The following KIF1C variants were observed in gnomAD, a reference collection of about 807,000 sequenced individuals.
KIF1C encodes kinesin-like protein KIF1C.
Under a neutral mutation model 126.5 loss-of-function variants are expected in KIF1C, and 61 were observed. The observed-to-expected ratio is 0.48, with a 90% CI of 0.39 to 0.60. The LOEUF is 0.60. KIF1C is among the 20% of genes least tolerant of loss of function. The pLI, the probability that KIF1C is intolerant of heterozygous loss-of-function variation, is 0.00. For missense variants in KIF1C, 1,315 were observed against 1,489.2 expected (o/e 0.88, Z 1.93); for synonymous variants, 640 against 580.6 (o/e 1.10, Z -1.47).
intron 3 of KIF1C, 75 bp from the exon 4 acceptor site, chr17:5,000,697 G>C: frequency 7.6e-7 from 1 of 1,316,654 alleles, no homozygotes; most frequent in Non-Finnish European, 1.1e-6. Flanking sequence ...GATTCCAGGG[G>C]CTGGTTGGGG....
rs1402352082 is a variant in KIF1C, at chr17:5,024,091, C to T, written c.3252C>T (p.Pro1084=). Residue 1084 remains proline (P), a synonymous_variant, in exon 23 of 23, where the codon CCC becomes CCT. Transcript: ENST00000320785. ...CCCGCTACCCCCCATACACTACTCC[C>T]CCACGAATGAGACGGCAGCGTTCTG... ...PGPRYPPYTT[P]PRMRRQRSAP... 6.2e-7 allele frequency: 1 copy of T among 1,610,184 alleles called. No individual in the cohort carries two copies. The highest frequency in any genetic ancestry group is 8.5e-7 in the Non-Finnish European group (1 of 1,178,136).
At position 5,023,636 on chromosome 17, in the gene KIF1C, G is replaced by T; in HGVS notation, c.2797G>T (p.Ala933Ser). ...RVSRLMEEDP[A>S]FRRGRLRWLK... Reference sequence around the variant, plus strand: ...GTCACGGCTCATGGAGGAGGACCCTGCCTTCCGTCGTGGTCGTCTTCGCTG... The same window carrying T: ...GTCACGGCTCATGGAGGAGGACCCTTCCTTCCGTCGTGGTCGTCTTCGCTG... The change falls in exon 23 of 23, where the codon GCC (alanine) becomes TCC (serine). Residue 933 changes from alanine to serine, a missense_variant. By Grantham distance (99) the Ala-to-Ser change is moderately conservative. This residue lies in a region of KIF1C where 441 missense variants were observed against 436.1 expected (regional missense o/e 1.01). Coordinates refer to ENST00000320785, the MANE Select transcript of KIF1C (RefSeq NM_006612.6). The surrounding 1 kb of genome is among the most constrained non-coding windows in gnomAD (Gnocchi z 4.2). The T allele has an allele frequency of 6.2e-7, 1 of 1,613,234 alleles. No individual in the cohort carries two copies.
chr17:5,004,370 C>T (rs1198134723), intron 11 of KIF1C, among the ~76,000 whole-genome samples, 197 bp from the exon 12 acceptor site: 3 of 152,136 alleles, frequency 2.0e-5, no homozygotes, highest in Admixed American at 1.3e-4. Context: ...CTGTGACTGT[C>T]CTGCAGATAT....
chr17:5,009,696 T>C (rs1206868421), intron 16 of KIF1C, among the ~76,000 whole-genome samples: 1 of 148,252 alleles, frequency 6.7e-6, no homozygotes, highest in Non-Finnish European at 1.5e-5. Flanking sequence ...GCTGAGGCAG[T>C]AGAATGACAT....
At chr17:5,005,480 G>A (rs1162978880) in intron 13 of KIF1C, among the ~76,000 whole-genome samples, 1 of 152,182 alleles carries the variant, frequency 6.6e-6, no homozygotes, top group African/African-American at 2.4e-5. Context: ...TGACGGTCAG[G>A]AATGGACCCT....
Position 5,023,518 on chromosome 17 carries a change from T to G in KIF1C, c.2679T>G (p.Pro893=), listed in dbSNP as rs988484315. The stretch of plus-strand genomic sequence containing the variant: ...GTGGTGAGGTCCCCTGGGCCCCGCC[T>G]GAAGGATCAGAGGCAGCAGAGGAGG... The part of the protein sequence containing the change: ...EEGGEVPWAP[P]EGSEAAEEAA... The change falls in exon 23 of 23, where the codon CCT becomes CCG. Residue 893 remains proline, a synonymous_variant. Transcript: ENST00000320785. The surrounding 1 kb of genome is among the most constrained non-coding windows in gnomAD (Gnocchi z 4.2). The G allele has an allele frequency of 3.8e-5, 62 of 1,613,352 alleles. No homozygotes were observed. Among genetic ancestry groups the G allele is most frequent in the Non-Finnish European group, 5.2e-5 (61 of 1,179,764 alleles).
At chr17:5,021,797 GCACAAAGTTCCACACTCGATTAGCTACAA>G in intron 21 of KIF1C, among the ~76,000 whole-genome samples, 1 of 152,016 alleles carries the variant, frequency 6.6e-6, no homozygotes, top group East Asian at 1.9e-4. Context: ...TTTAAGTCTT[GCACAAAGTTCCACACTCGATTAGCTACAA>G]CTAATACTTA....
At position 5,000,764 on chromosome 17, in the gene KIF1C, C is replaced by T. The variant is rs1294564809; in HGVS notation, c.107-8C>T. On this transcript the variant is annotated splice_polypyrimidine_tract_variant and splice_region_variant and intron_variant, in intron 3 of 22. Coordinates refer to ENST00000320785, the MANE Select transcript of KIF1C (RefSeq NM_006612.6). ...ACTTTCCTTCCTTTACCCTCTCCTG[C>T]CCCTCAGCCATCATCAATCCTAAAC... 1.9e-6 allele frequency: 3 copies of T among 1,613,700 alleles called. No homozygotes were observed. The highest frequency in any genetic ancestry group is 1.6e-4 in the Middle Eastern group (1 of 6,062).
At chr17:5,015,996 T>C (rs982264101) in intron 18 of KIF1C, among the ~76,000 whole-genome samples, 4 of 151,910 alleles carry the variant, frequency 2.6e-5, no homozygotes, top group Non-Finnish European at 5.9e-5. Context: ...TCTGTGAAAA[T>C]GAGTTGGGCA....
chr17:5,019,866 C>A (rs1397202149), intron 18 of KIF1C, 130 bp from the exon 19 acceptor site: 13 of 698,276 alleles, frequency 1.9e-5, no homozygotes, highest in Non-Finnish European at 3.4e-5. Context: ...ATGGCACCCC[C>A]TACAGGTACT....
intron 16 of KIF1C, among the ~76,000 whole-genome samples, chr17:5,009,238 G>C (rs1008844098): frequency 2.0e-5 from 3 of 151,176 alleles, no homozygotes; most frequent in African/African-American, 7.3e-5. Flanking sequence ...GGAGTGCAAC[G>C]GTGCAATCTT....
chr17:5,023,988 C>G lies in KIF1C; in HGVS notation c.3149C>G (p.Pro1050Arg), dbSNP rs570522657. The G allele has an allele frequency of 2.8e-5, 44 of 1,599,594 alleles. No homozygotes were observed. In the South Asian group the frequency reaches 4.4e-4, roughly 16 times the overall value. Residue 1050 changes from proline (P) to arginine (R), a missense_variant, in exon 23 of 23, where the codon CCC becomes CGC. Coordinates refer to ENST00000320785, the MANE Select transcript of KIF1C (RefSeq NM_006612.6). This position sits in a 1 kb window ranked among gnomAD's most constrained non-coding sequence, Gnocchi z 4.2. The stretch of plus-strand genomic sequence containing the variant: ...GGAGCGGGTTCTGCACAGCCTGAAC[C>G]CCAGCACTTCCAGCCCAAAAAGCAC... ...SRGAGSAQPEPQHFQPKKHNS... is the reference protein window; with the variant it reads ...SRGAGSAQPERQHFQPKKHNS...
At position 5,020,627 on chromosome 17, in the gene KIF1C, A is replaced by G. The variant is rs374353519; in HGVS notation, c.1886A>G (p.Lys629Arg). 6.2e-6 allele frequency: 10 copies of G among 1,614,236 alleles called. No homozygotes were observed. Among genetic ancestry groups the G allele is most frequent in the Non-Finnish European group, 8.5e-6 (10 of 1,180,032 alleles). Residue 629 changes from lysine (K) to arginine (R), a missense_variant, in exon 20 of 23, where the codon AAG becomes AGG. Transcript: ENST00000320785. The surrounding 1 kb of genome is among the most constrained non-coding windows in gnomAD (Gnocchi z 5.8). ...SEPVDWNFAQ[K>R]ELLEQQGIDI... is the part of the protein sequence containing the mutation. ...CCAGTCGACTGGAACTTTGCCCAGA[A>G]GGAACTGCTGGAGCAGCAAGGCATC...
At chr17:5,000,697 G>A in intron 3 of KIF1C, 75 bp from the exon 4 acceptor site, 2 of 1,316,654 alleles carry the variant, frequency 1.5e-6, no homozygotes, top group South Asian at 1.2e-5. Context: ...GATTCCAGGG[G>A]CTGGTTGGGG....
Position 5,020,489 on chromosome 17 carries a change from T to C in KIF1C, c.1751-3T>C, listed in dbSNP as rs113328636. 1 of 1,606,810 alleles carries C rather than the reference T, an allele frequency of 6.2e-7. No individual in the cohort carries two copies. The highest frequency in any genetic ancestry group is 8.5e-7 in the Non-Finnish European group (1 of 1,175,332). On this transcript the variant is annotated splice_polypyrimidine_tract_variant and splice_region_variant and intron_variant, in intron 19 of 22. Coordinates refer to ENST00000320785, the MANE Select transcript of KIF1C (RefSeq NM_006612.6). This position sits in a 1 kb window ranked among gnomAD's most constrained non-coding sequence, Gnocchi z 5.8. ...GTTTACTTTTCCCTCCTCCCATCTCTAGGGAATAGGATTGTGATGGGCAAG... is the reference window on the plus strand; with the variant it reads ...GTTTACTTTTCCCTCCTCCCATCTCCAGGGAATAGGATTGTGATGGGCAAG...
chr17:5,000,417 G>A, intron 3 of KIF1C, 65 bp downstream of exon 3: 1 of 1,106,406 alleles, frequency 9.0e-7, no homozygotes, highest in Non-Finnish European at 1.3e-6. Context: ...ACACAGGCCA[G>A]TCCCGCTGGG....
Position 5,023,425 on chromosome 17 carries a change from C to T in KIF1C, c.2629-43C>T, listed in dbSNP as rs1223823629. 6.6e-7 allele frequency: 1 copy of T among 1,522,254 alleles called. No homozygotes were observed. The highest frequency in any genetic ancestry group is 9.1e-7 in the Non-Finnish European group (1 of 1,103,322). The allele number at this position is 1,522,254 out of a possible 1,614,324, so 94.3% of individuals were successfully genotyped here. Reference sequence around the variant, plus strand: ...GAATCCACATGTCCTGAGGATTCAGCTCTCCTCACATCCCTTCTCCTTTTC... The same window carrying T: ...GAATCCACATGTCCTGAGGATTCAGTTCTCCTCACATCCCTTCTCCTTTTC... On this transcript the variant is annotated intron_variant, in intron 22 of 22. Coordinates refer to ENST00000320785, the MANE Select transcript of KIF1C (RefSeq NM_006612.6). The surrounding 1 kb of genome is among the most constrained non-coding windows in gnomAD (Gnocchi z 4.2).
At chr17:5,017,465 G>A (rs981965539) in intron 18 of KIF1C, among the ~76,000 whole-genome samples, 22 of 151,872 alleles carry the variant, frequency 1.4e-4, no homozygotes, top group South Asian at 4.2e-4. Context: ...CACCACACCC[G>A]GCTCATTTTT....
chr17:5,015,305 G>A lies in KIF1C; in HGVS notation c.1666+468G>A, dbSNP rs559494757. ...TTTCTTTTTCTTTTTTTTTTGAGACGGAGTGTTCGCTCTTGTCGCCCAGGC... is the reference window on the plus strand; with the variant it reads ...TTTCTTTTTCTTTTTTTTTTGAGACAGAGTGTTCGCTCTTGTCGCCCAGGC... On this transcript the variant is annotated intron_variant, in intron 18 of 22. Coordinates refer to ENST00000320785, the MANE Select transcript of KIF1C (RefSeq NM_006612.6). Among the ~76,000 whole-genome samples, 230 of 150,780 alleles carry A rather than the reference G, an allele frequency of 1.5e-3. 2 individuals are homozygous for A. The highest frequency in any genetic ancestry group is 4.8e-3 in the African/African-American group (198 of 41,036).
Sources: gnomAD v4.1 joint callset for allele counts (sites outside exome capture counted in the v4.1 genomes callset) on GRCh38, gnomAD v4.1.1 for gene constraint, gnomAD v4.1.1 regional missense constraint, Gnocchi (gnomAD v3.1) non-coding constraint, MANE v1.5 for transcripts, NCBI Gene and HGNC (gene_info 2026-07-23, HGNC 2026-07-21) for gene names.